Variants in ALDH18A1 observed in about 807,000 individuals in gnomAD.
The protein encoded by ALDH18A1 is aldehyde dehydrogenase 18 family member A1, also known as delta-1-pyrroline-5-carboxylate synthase.
ALDH18A1 carries 44 observed loss-of-function variants against 88.8 expected under a neutral mutation model. The ratio of observed to expected loss-of-function variants is 0.50; its 90% CI spans 0.39 to 0.64. The LOEUF (loss-of-function observed/expected upper bound fraction) is 0.64, where lower values mean the gene tolerates loss of function less well. Among genes scored for constraint, ALDH18A1 ranks in the 30% least tolerant of loss-of-function variants. The probability of loss-of-function intolerance (pLI) is 0.00; values close to 1 mark genes in which losing one functional copy is unlikely to be tolerated. For missense variants in ALDH18A1, 782 were observed against 1,009.5 expected, an observed-to-expected ratio of 0.77 and a Z score of 3.05; for synonymous variants, 331 against 372.1, an observed-to-expected ratio of 0.89 and a Z score of 1.27.
At position 95,637,433 on chromosome 10, in the gene ALDH18A1, A is replaced by AT; in HGVS notation, c.306dup (p.Ser103IlefsTer28). 1 of 1,614,072 alleles carries AT rather than the reference A, an allele frequency of 6.2e-7. No homozygotes were observed. Among genetic ancestry groups the AT allele is most frequent in the Non-Finnish European group, 8.5e-7 (1 of 1,180,002 alleles). The stretch of plus-strand genomic sequence containing the variant: ...TCTCTGCCCTGATTCTGCAGCACTG[A>AT]TACCTGGGCATTGAGAAAGGAAAGG... On this transcript the variant is annotated frameshift_variant, in exon 4 of 18. Transcript: ENST00000371224. LOFTEE classifies it high-confidence loss of function.
In ALDH18A1 at chr10:95,652,703, C is replaced by G. The variant is rs187079371; in HGVS notation, c.88+587G>C. ...TGAGCTGAGATTACACCACTGCACTCCAACCTGGGAGACAGAGTGAGACTC... is the reference window on the plus strand; with the variant it reads ...TGAGCTGAGATTACACCACTGCACTGCAACCTGGGAGACAGAGTGAGACTC... On this transcript the variant is annotated intron_variant, in intron 2 of 17. Transcript: ENST00000371224. Among the ~76,000 whole-genome samples, 203 of 151,990 alleles carry G rather than the reference C, an allele frequency of 1.3e-3. 1 individual carries two copies. The highest frequency in any genetic ancestry group is 4.3e-3 in the African/African-American group (177 of 41,440).
chr10:95,641,995 T>C (rs1446970593), intron 3 of ALDH18A1, among the ~76,000 whole-genome samples: 1 of 152,140 alleles, frequency 6.6e-6, no homozygotes, highest in Non-Finnish European at 1.5e-5. Flanking sequence ...CTTGATAATT[T>C]AGAATAGAAA....
At chr10:95,611,506 A>C (rs762485010) in intron 15 of ALDH18A1, 64 bp from the exon 16 acceptor site, 41 of 1,580,592 alleles carry the variant, frequency 2.6e-5, no homozygotes, top group Admixed American at 1.7e-5. Flanking sequence ...GTTCTAGGAT[A>C]GAACAGAAAG....
At chr10:95,642,928 T>G (rs1224645087) in intron 3 of ALDH18A1, 64 bp downstream of exon 3, 14 of 1,509,106 alleles carry the variant, frequency 9.3e-6, no homozygotes, top group Non-Finnish European at 1.3e-5. Context: ...AACTTAAACC[T>G]AATCTGAACT....
intron 2 of ALDH18A1, among the ~76,000 whole-genome samples, chr10:95,652,874 T>TC (rs2097912508): frequency 1.3e-5 from 2 of 151,934 alleles, no homozygotes; most frequent in South Asian, 2.1e-4. Flanking sequence ...CATCTTTTTT[T>TC]TCTCTCTCTC....
Position 95,621,026 on chromosome 10 carries a change from C to T in ALDH18A1, c.1467+5G>A, listed in dbSNP as rs2097851504. The T allele has an allele frequency of 1.2e-6, 2 of 1,613,642 alleles. No individual in the cohort carries two copies. Among genetic ancestry groups the T allele is most frequent in the South Asian group, 1.1e-5 (1 of 91,068 alleles). On this transcript the variant is annotated splice_donor_5th_base_variant and intron_variant, in intron 12 of 17. Transcript: ENST00000371224. ...GGTATTTATTCTCCCGGGGTATATA[C>T]ACACCTGGGGTAGACAGTCAGGACG...
At chr10:95,640,204 C>T (rs891295258) in intron 3 of ALDH18A1, among the ~76,000 whole-genome samples, 8 of 148,108 alleles carry the variant, frequency 5.4e-5, no homozygotes, top group African/African-American at 1.5e-4. Flanking sequence ...AAATGTGTGT[C>T]TCTTCCCCTT....
intron 17 of ALDH18A1, 80 bp from the exon 18 acceptor site, chr10:95,607,023 T>C (rs2139514271): frequency 7.1e-7 from 1 of 1,409,126 alleles, no homozygotes; most frequent in Non-Finnish European, 1.0e-6. Context: ...CCCTGCTGCT[T>C]TCCCCTCACT....
At chr10:95,642,338 C>T (rs944693117) in intron 3 of ALDH18A1, among the ~76,000 whole-genome samples, 1 of 152,112 alleles carries the variant, frequency 6.6e-6, no homozygotes, top group Non-Finnish European at 1.5e-5. Context: ...ACTATCTGGC[C>T]TCTTGCAGAA....
At chr10:95,650,140 C>T (rs117439981) in intron 2 of ALDH18A1, among the ~76,000 whole-genome samples, 7 of 151,986 alleles carry the variant, frequency 4.6e-5, no homozygotes, top group Admixed American at 1.3e-4. Context: ...AAAAAACATA[C>T]GAGAAAATCT....
chr10:95,622,000 T>C (rs1009117225), intron 11 of ALDH18A1, among the ~76,000 whole-genome samples: 1 of 152,206 alleles, frequency 6.6e-6, no homozygotes, highest in Admixed American at 6.5e-5. Flanking sequence ...TGATATGATC[T>C]TATTTATCAA....
intron 2 of ALDH18A1, among the ~76,000 whole-genome samples, chr10:95,652,747 G>A (rs1216846124): frequency 6.6e-6 from 1 of 151,656 alleles, no homozygotes; most frequent in Non-Finnish European, 1.5e-5. Context: ...AAAAAAGCAT[G>A]TAAAAATTTA....
chr10:95,652,462 T>C (rs1027290790), intron 2 of ALDH18A1, among the ~76,000 whole-genome samples: 7 of 152,236 alleles, frequency 4.6e-5, no homozygotes, highest in Admixed American at 4.6e-4. Context: ...CCGGGCACAG[T>C]GGCTAACGCC....
chr10:95,627,605 T>G lies in ALDH18A1; in HGVS notation c.934-19A>C. ...CTTTCACCTAATGAGACAGGTTAGA[T>G]CCAGTAAAGATGAGATTCAGACCTA... On this transcript the variant is annotated intron_variant, in intron 8 of 17. Coordinates refer to ENST00000371224, the MANE Select transcript of ALDH18A1 (RefSeq NM_002860.4). The G allele has an allele frequency of 6.2e-7, 1 of 1,613,854 alleles. No homozygotes were observed. Among genetic ancestry groups the G allele is most frequent in the Non-Finnish European group, 8.5e-7 (1 of 1,179,830 alleles).
Position 95,606,326 on chromosome 10 carries a change from A to C in ALDH18A1, c.*436T>G, listed in dbSNP as rs1165536852. On this transcript the variant is annotated 3_prime_UTR_variant, in exon 18 of 18. Coordinates refer to ENST00000371224, the MANE Select transcript of ALDH18A1 (RefSeq NM_002860.4). Reference sequence around the variant, plus strand: ...GAGTTGCCCCTTTTCTAAAATTCCAAATCTTTCCTTTTTGAAGATGACTAC... The same window carrying C: ...GAGTTGCCCCTTTTCTAAAATTCCACATCTTTCCTTTTTGAAGATGACTAC... 6 of 1,002,124 alleles carry C rather than the reference A, an allele frequency of 6.0e-6. No individual in the cohort carries two copies. The South Asian group carries it at 1.7e-4, about 29-fold the overall frequency. 62.1% of individuals were successfully genotyped at this position (1,002,124 alleles called of 1,614,324 possible).
chr10:95,619,496 A>C (rs2097848909), intron 12 of ALDH18A1, among the ~76,000 whole-genome samples: 1 of 152,208 alleles, frequency 6.6e-6, no homozygotes, highest in South Asian at 2.1e-4. Flanking sequence ...CCTAAGCAAA[A>C]AGAACAAAGC....
intron 2 of ALDH18A1, among the ~76,000 whole-genome samples, chr10:95,645,754 T>G: frequency 6.6e-6 from 1 of 152,048 alleles, no homozygotes; most frequent in East Asian, 1.9e-4. Flanking sequence ...AGCCATCATC[T>G]GGGATGGAAC....
At position 95,628,462 on chromosome 10, in the gene ALDH18A1, T is replaced by C. The variant is rs981914821; in HGVS notation, c.839A>G (p.Asp280Gly). 2.5e-6 allele frequency: 4 copies of C among 1,613,858 alleles called. No individual in the cohort carries two copies. The highest frequency in any genetic ancestry group is 3.4e-6 in the Non-Finnish European group (4 of 1,179,980). The part of the protein sequence containing the change: ...GLFDSPPGSD[D>G]AKLIDIFYPG... ...ATAAAATATATCAATAAGCTTTGCATCATCTGAACCTGGGGGGCTGTCAAA... is the reference window on the plus strand; with the variant it reads ...ATAAAATATATCAATAAGCTTTGCACCATCTGAACCTGGGGGGCTGTCAAA... The change falls in exon 8 of 18, where the codon GAT becomes GGT. Residue 280 changes from aspartate to glycine, a missense_variant. Coordinates refer to ENST00000371224, the MANE Select transcript of ALDH18A1 (RefSeq NM_002860.4).
At chr10:95,616,401 C>T in intron 13 of ALDH18A1, 76 bp downstream of exon 13, 3 of 1,540,750 alleles carry the variant, frequency 1.9e-6, no homozygotes, top group Non-Finnish European at 2.6e-6. Flanking sequence ...TCTGTGTGGC[C>T]TAAGTTTTGC....
Sources: allele counts gnomAD v4.1 joint callset (sites outside exome capture counted in the v4.1 genomes callset), GRCh38; gene constraint gnomAD v4.1.1; transcripts MANE v1.5; gene names NCBI Gene and HGNC (gene_info 2026-07-23, HGNC 2026-07-21).